The following CAPZA1 variants were observed in gnomAD, a reference collection of about 807,000 sequenced individuals.
CAPZA1 encodes the protein capping actin protein of muscle Z-line subunit alpha 1.
In CAPZA1, 10 loss-of-function variants were observed where a neutral mutation model predicts 40.8. That is an observed-to-expected ratio of 0.25 (90% CI 0.15 to 0.42). CAPZA1 has a LOEUF of 0.42. Among genes scored for constraint, CAPZA1 ranks in the 10% least tolerant of loss-of-function variants. CAPZA1 has a pLI of 1.00. For synonymous variants in CAPZA1, 98 were observed against 115.0 expected (o/e 0.85, Z 0.95); for missense variants, 277 against 353.8 (o/e 0.78, Z 1.74).
chr1:112,639,836 C>T (rs1355091889), intron 1 of CAPZA1, among the ~76,000 whole-genome samples: 2 of 116,614 alleles, frequency 1.7e-5, no homozygotes, highest in African/African-American at 3.2e-5. Context: ...CCCCTCTGCC[C>T]GGCCAGCCGC....
chr1:112,648,174 C>T lies in CAPZA1; in HGVS notation c.103+901C>T, dbSNP rs190230465. ...TAACTAGGAGAAACATAAACATTTG[C>T]TTCAGGGAGTATAAGATATAATAGA... is the stretch of plus-strand genomic sequence containing the variant. On this transcript the variant is annotated intron_variant, in intron 2 of 9. Coordinates refer to ENST00000263168, the MANE Select transcript of CAPZA1 (RefSeq NM_006135.3). 4.1e-3 allele frequency among the ~76,000 whole-genome samples: 627 copies of T among 152,070 alleles called. 3 individuals carry two copies. The highest frequency in any genetic ancestry group is 0.015 in the African/African-American group (604 of 41,484).
In CAPZA1 at chr1:112,659,681, T is replaced by TTG; in HGVS notation, c.507-10_507-9dup. Reference sequence around the variant, plus strand: ...TGTGCTTATTGCTAATTCTGCAATGTTGTGTGTGTGTTTTAATAGGAATGG... The same window carrying TTG: ...TGTGCTTATTGCTAATTCTGCAATGTTGTGTGTGTGTGTTTTAATAGGAATGG... On this transcript the variant is annotated intron_variant, in intron 6 of 9. Coordinates refer to ENST00000263168, the MANE Select transcript of CAPZA1 (RefSeq NM_006135.3). The TTG allele has an allele frequency of 6.2e-7, 1 of 1,601,020 alleles. No homozygotes were observed. The highest frequency in any genetic ancestry group is 2.2e-5 in the East Asian group (1 of 44,794).
chr1:112,662,398 T>TC (rs1671632071), intron 7 of CAPZA1, among the ~76,000 whole-genome samples: 1 of 137,826 alleles, frequency 7.3e-6, no homozygotes, highest in South Asian at 2.5e-4. Flanking sequence ...AATTTTTCTT[T>TC]TTTTTTTTTT....
chr1:112,635,300 T>TA (rs1670993565), intron 1 of CAPZA1, among the ~76,000 whole-genome samples: 1 of 152,140 alleles, frequency 6.6e-6, no homozygotes, highest in Non-Finnish European at 1.5e-5. Context: ...AAATCTTTAA[T>TA]ACATTCAGTA....
intron 7 of CAPZA1, among the ~76,000 whole-genome samples, chr1:112,663,203 A>AT (rs1439192416): frequency 6.6e-6 from 1 of 152,026 alleles, no homozygotes; most frequent in African/African-American, 2.4e-5. Flanking sequence ...TGACCTCGTG[A>AT]TGCGCCTACC....
chr1:112,643,359 A>T (rs1456411531), intron 1 of CAPZA1, among the ~76,000 whole-genome samples: 2 of 152,158 alleles, frequency 1.3e-5, no homozygotes, highest in Non-Finnish European at 2.9e-5. Flanking sequence ...ACCAGTTTTC[A>T]TCCCAGAAAA....
chr1:112,649,460 G>A lies in CAPZA1; in HGVS notation c.146G>A (p.Gly49Glu). Residue 49 changes from glycine to glutamate, a missense_variant, in exon 3 of 10, where the codon GGG becomes GAG. By Grantham distance (98) the Gly-to-Glu change is moderately conservative. Coordinates refer to ENST00000263168, the MANE Select transcript of CAPZA1 (RefSeq NM_006135.3). Reference protein sequence around the residue: ...LLNNDNLLREGAAHAFAQYNM... With the variant: ...LLNNDNLLREEAAHAFAQYNM... ...AATAATGACAATCTCCTCAGGGAAG[G>A]GGCAGCACAGTAAGTATCTTTCCAA... is the stretch of plus-strand genomic sequence containing the variant. 3 of 1,610,736 alleles carry A rather than the reference G, an allele frequency of 1.9e-6. No homozygotes were observed. Among genetic ancestry groups the A allele is most frequent in the Non-Finnish European group, 2.5e-6 (3 of 1,177,382 alleles).
At chr1:112,662,405 T>TC (rs1305736045) in intron 7 of CAPZA1, among the ~76,000 whole-genome samples, 1 of 142,028 alleles carries the variant, frequency 7.0e-6, no homozygotes, top group East Asian at 2.0e-4. Context: ...CTTTTTTTTT[T>TC]TTTTTTTTTT....
chr1:112,646,474 G>A (rs961154965), intron 1 of CAPZA1, among the ~76,000 whole-genome samples: 2 of 152,184 alleles, frequency 1.3e-5, no homozygotes, highest in Admixed American at 1.3e-4. Context: ...CTACTCAGGA[G>A]GCTGAGGCAG....
rs552757266 is a variant in CAPZA1, at chr1:112,641,796, G to A, written c.40-5414G>A. Among the ~76,000 whole-genome samples, 18 of 151,190 alleles carry A rather than the reference G, an allele frequency of 1.2e-4. No homozygotes were observed. The South Asian group carries it at 1.3e-3, about 11-fold the overall frequency. On this transcript the variant is annotated intron_variant, in intron 1 of 9. Transcript: ENST00000263168. ...CCCAGCTACTCAAGAGGCTGAGGCC[G>A]GAGAATCACTTGAACCTGGGAGGTG...
At chr1:112,665,168 GT>G (rs1476313987) in intron 7 of CAPZA1, among the ~76,000 whole-genome samples, 25 of 116,346 alleles carry the variant, frequency 2.1e-4, no homozygotes, top group African/African-American at 3.4e-4. Flanking sequence ...TTTGTTTGGG[GT>G]TTTTTTGTGT....
At chr1:112,621,817 A>G (rs1670678930) in intron 1 of CAPZA1, among the ~76,000 whole-genome samples, 1 of 131,468 alleles carries the variant, frequency 7.6e-6, no homozygotes, top group Non-Finnish European at 1.5e-5. Flanking sequence ...GGTGGTGTGC[A>G]GTGGTGCGAT....
At chr1:112,658,937 A>G in intron 5 of CAPZA1, 85 bp from the exon 6 acceptor site, 1 of 984,198 alleles carries the variant, frequency 1.0e-6, no homozygotes, top group Non-Finnish European at 1.6e-6. Context: ...TCCCCCAAGG[A>G]TTTAACACTC....
Position 112,659,731 on chromosome 1 carries a change from C to G in CAPZA1, c.537C>G (p.Phe179Leu). 1 of 1,613,572 alleles carries G rather than the reference C, an allele frequency of 6.2e-7. No individual in the cohort carries two copies. Among genetic ancestry groups the G allele is most frequent in the South Asian group, 1.1e-5 (1 of 91,032 alleles). Reference sequence around the variant, plus strand: ...GTCGTTGGAGATCAGAGTGGAAGTTCACCATCACACCACCTACAGCCCAGG... The same window carrying G: ...GTCGTTGGAGATCAGAGTGGAAGTTGACCATCACACCACCTACAGCCCAGG... ...WNGRWRSEWK[F>L]TITPPTAQVV... is the part of the protein sequence containing the mutation. Residue 179 changes from phenylalanine to leucine, a missense_variant, in exon 7 of 10, where the codon TTC becomes TTG. By Grantham distance (22) the Phe-to-Leu change is conservative. Around this residue, in one of 2 missense-constraint regions of CAPZA1, gnomAD observed 192 missense variants for 277.2 expected, o/e 0.69. Transcript: ENST00000263168.
Position 112,671,408 on chromosome 1 carries a change from A to C in CAPZA1, c.*1276A>C, listed in dbSNP as rs1175599279. On this transcript the variant is annotated 3_prime_UTR_variant, in exon 10 of 10. Transcript: ENST00000263168. The stretch of plus-strand genomic sequence containing the variant: ...CTACCTATCTCCAGATACATGTCAA[A>C]AAAAGAAAGGTGTTTGTGCTTCCGT... 1.3e-5 allele frequency: 2 copies of C among 152,656 alleles called. No individual in the cohort carries two copies. The highest frequency in any genetic ancestry group is 2.9e-5 in the Non-Finnish European group (2 of 68,042). The allele number at this position is 152,656 out of a possible 1,614,324, so 9.5% of individuals were successfully genotyped here. A position where few individuals can be genotyped will look rare whatever the true frequency, so the allele number is the denominator to read the frequency against.
chr1:112,668,630 T>G (rs1318567991), intron 8 of CAPZA1, among the ~76,000 whole-genome samples: 3 of 152,020 alleles, frequency 2.0e-5, no homozygotes, highest in African/African-American at 7.2e-5. Flanking sequence ...GGATTACAGG[T>G]GTCTGCCACC....
At chr1:112,652,694 A>G (rs866775116) in intron 3 of CAPZA1, among the ~76,000 whole-genome samples, 27 of 145,812 alleles carry the variant, frequency 1.9e-4, no homozygotes, top group South Asian at 6.4e-4. Context: ...TGACATGGGG[A>G]AAAAAAAAAA....
intron 1 of CAPZA1, among the ~76,000 whole-genome samples, chr1:112,627,464 G>A (rs188272385): frequency 3.6e-4 from 55 of 151,730 alleles, no homozygotes; most frequent in African/African-American, 1.3e-3. Context: ...GAGCAACATA[G>A]TGAAACCCCA....
At chr1:112,659,857 G>T in intron 7 of CAPZA1, 78 bp downstream of exon 7, 1 of 1,040,690 alleles carries the variant, frequency 9.6e-7, no homozygotes, top group South Asian at 1.4e-5. Context: ...ATTAAATAAG[G>T]ACCAAGTATG....
Sources: allele counts gnomAD v4.1 joint callset (sites outside exome capture counted in the v4.1 genomes callset), GRCh38; gene constraint gnomAD v4.1.1; regional missense constraint gnomAD v4.1.1; transcripts MANE v1.5; gene names NCBI Gene and HGNC (gene_info 2026-07-23, HGNC 2026-07-21).